The following PTK2 variants were observed in gnomAD, a reference collection of about 807,000 sequenced individuals.
PTK2 encodes the protein focal adhesion kinase 1.
A neutral mutation model predicts 150.1 loss-of-function variants in PTK2; 45 were observed. The observed-to-expected ratio is 0.30, with a 90% confidence interval of 0.24 to 0.38. PTK2 has a LOEUF of 0.38. PTK2 is among the 10% of genes least tolerant of loss of function. PTK2 has a pLI of 1.00. For missense variants in PTK2, 919 were observed against 1,307.3 expected (o/e 0.70, Z 4.58); for synonymous variants, 432 against 449.2 (o/e 0.96, Z 0.48).
At chr8:140,958,823 G>A (rs1340949504) in intron 1 of PTK2, among the ~76,000 whole-genome samples, 2 of 152,152 alleles carry the variant, frequency 1.3e-5, no homozygotes, top group African/African-American at 4.8e-5. Context: ...AAAATCACAT[G>A]TGGCTCACAA....
chr8:140,921,259 G>C, intron 2 of PTK2: 1 of 464,010 alleles, frequency 2.2e-6, no homozygotes, highest in Non-Finnish European at 3.0e-6. Context: ...GGAAAAGAGG[G>C]AGGAGAAAAA....
At chr8:140,789,916 A>T (rs866438705) in intron 13 of PTK2, among the ~76,000 whole-genome samples, 5 of 152,246 alleles carry the variant, frequency 3.3e-5, no homozygotes, top group Non-Finnish European at 5.9e-5. Flanking sequence ...TCTCTAAAAC[A>T]TAATATGAAA....
At chr8:140,869,748 TAAAC>T (rs746796233) in intron 4 of PTK2, among the ~76,000 whole-genome samples, 15 of 151,612 alleles carry the variant, frequency 9.9e-5, no homozygotes, top group African/African-American at 2.2e-4. Context: ...AGGAAACACA[TAAAC>T]AAAGAAAGAG....
intron 1 of PTK2, among the ~76,000 whole-genome samples, chr8:140,935,656 T>TC (rs1276629045): frequency 1.3e-5 from 2 of 151,684 alleles, no homozygotes; most frequent in African/African-American, 2.4e-5. Flanking sequence ...AAAGTTTTTT[T>TC]CCTAATGCGC....
intron 3 of PTK2, among the ~76,000 whole-genome samples, chr8:140,888,616 A>G (rs1187967271): frequency 6.6e-6 from 1 of 152,224 alleles, no homozygotes; most frequent in Non-Finnish European, 1.5e-5. Flanking sequence ...TATGACTAGG[A>G]AGTTTTTAAC....
intron 22 of PTK2, among the ~76,000 whole-genome samples, chr8:140,730,493 A>G (rs1314028517): frequency 6.6e-6 from 1 of 152,190 alleles, no homozygotes; most frequent in African/African-American, 2.4e-5. Context: ...GATAGAGGTT[A>G]CCCTTGGAGG....
At chr8:140,677,782 G>A (rs958198886) in intron 27 of PTK2, among the ~76,000 whole-genome samples, 6 of 152,214 alleles carry the variant, frequency 3.9e-5, no homozygotes, top group African/African-American at 1.4e-4. Flanking sequence ...TTTTTGTGTA[G>A]TGCTTTCTAC....
At chr8:140,670,486 ACAACACACACACACACACACACAC>A in intron 29 of PTK2, among the ~76,000 whole-genome samples, 1 of 32,674 alleles carries the variant, frequency 3.1e-5, no homozygotes, top group African/African-American at 9.6e-5. Context: ...AAAAAAAACA[ACAACACACACACACACACACACAC>A]ACACACACAC....
At chr8:140,769,741 G>T in intron 14 of PTK2, 149 bp from the exon 16 acceptor site, 2 of 369,368 alleles carry the variant, frequency 5.4e-6, no homozygotes, top group East Asian at 7.6e-5. Flanking sequence ...TACCCCCCAG[G>T]GTTTAATTCA....
exon 25 of PTK2, chr8:140,702,603 A>C: frequency 6.2e-7 from 1 of 1,613,936 alleles, no homozygotes; most frequent in Non-Finnish European, 8.5e-7. Flanking sequence ...CTATCTCCTG[A>C]GGTCTATGAT....
In PTK2 at chr8:140,733,255, G is replaced by GT. The variant is rs2100050622; in HGVS notation, c.2030+1995dup. On this transcript the variant is annotated intron_variant, in intron 22 of 31. Coordinates refer to ENST00000522684, the Ensembl canonical transcript of PTK2. Reference sequence around the variant, plus strand: ...AGGAAGGGCTGGCATAGAAGAGAATGTAACAGCTTGCTTTCTGGATAAACA... The same window carrying GT: ...AGGAAGGGCTGGCATAGAAGAGAATGTTAACAGCTTGCTTTCTGGATAAACA... 2.0e-5 allele frequency among the ~76,000 whole-genome samples: 3 copies of GT among 152,146 alleles called. No individual in the cohort carries two copies. The South Asian group carries it at 6.2e-4, about 32-fold the overall frequency.
At chr8:140,960,622 T>A (rs1174174349) in intron 1 of PTK2, among the ~76,000 whole-genome samples, 1 of 152,180 alleles carries the variant, frequency 6.6e-6, no homozygotes, top group Non-Finnish European at 1.5e-5. Flanking sequence ...GAATGACTTA[T>A]CAGGTGAACT....
At chr8:140,990,241 T>A (rs1212776664) in intron 1 of PTK2, among the ~76,000 whole-genome samples, 3 of 152,196 alleles carry the variant, frequency 2.0e-5, no homozygotes, top group Non-Finnish European at 2.9e-5. Flanking sequence ...AATTTTTTTT[T>A]TTTTTTATTT....
At chr8:140,778,972 G>A (rs1292310170) in intron 14 of PTK2, among the ~76,000 whole-genome samples, 1 of 152,020 alleles carries the variant, frequency 6.6e-6, no homozygotes, top group African/African-American at 2.4e-5. Flanking sequence ...GAGAGAAGAG[G>A]TGCTGGGGCT....
chr8:140,667,365 G>C (rs1460469487), intron 30 of PTK2, among the ~76,000 whole-genome samples: 1 of 152,166 alleles, frequency 6.6e-6, no homozygotes, highest in Non-Finnish European at 1.5e-5. Context: ...TGAACTGGAG[G>C]ACACCCCTGT....
intron 2 of PTK2, among the ~76,000 whole-genome samples, chr8:140,898,331 T>C (rs752613828): frequency 1.1e-4 from 16 of 152,200 alleles, no homozygotes; most frequent in Admixed American, 3.3e-4. Context: ...CCAACATTAG[T>C]CTGCTGACTA....
intron 10 of PTK2, 126 bp from the exon 11 acceptor site, chr8:140,803,776 A>T (rs2100096695): frequency 1.2e-6 from 1 of 827,274 alleles, no homozygotes; most frequent in Non-Finnish European, 1.9e-6. Flanking sequence ...GTCTGGGGAA[A>T]AAAACAGATT....
chr8:140,813,552 T>C (rs746030842), intron 10 of PTK2, among the ~76,000 whole-genome samples: 1 of 151,678 alleles, frequency 6.6e-6, no homozygotes, highest in Non-Finnish European at 1.5e-5. Context: ...GACTTTTGTG[T>C]AAATAATGAA....
chr8:140,960,405 T>TCA (rs1169962852), intron 1 of PTK2, among the ~76,000 whole-genome samples: 1 of 152,092 alleles, frequency 6.6e-6, no homozygotes, highest in African/African-American at 2.4e-5. Context: ...AGACGGGGTT[T>TCA]CACCATGTTG....
Sources: gnomAD v4.1 joint callset for allele counts (sites outside exome capture counted in the v4.1 genomes callset) on GRCh38, gnomAD v4.1.1 for gene constraint, MANE v1.5 for transcripts, NCBI Gene and HGNC (gene_info 2026-07-23, HGNC 2026-07-21) for gene names.